The following EBF1 variants were observed in gnomAD, a reference collection of about 807,000 sequenced individuals.
EBF1 encodes the protein transcription factor COE1.
In EBF1, 10 loss-of-function variants were observed where a neutral mutation model predicts 68.4. The observed-to-expected ratio is 0.15, with a 90% CI of 0.09 to 0.25. EBF1 has a LOEUF of 0.25. Among genes scored for constraint, EBF1 ranks in the 10% least tolerant of loss-of-function variants. EBF1 has a pLI of 1.00. For synonymous variants in EBF1, 298 were observed against 299.8 expected, an observed-to-expected ratio of 0.99 and a Z score of 0.06; for missense variants, 509 against 794.4, an observed-to-expected ratio of 0.64 and a Z score of 4.32.
intron 6 of EBF1, among the ~76,000 whole-genome samples, chr5:158,951,464 C>A (rs1285562249): frequency 6.6e-6 from 1 of 152,188 alleles, no homozygotes; most frequent in African/African-American, 2.4e-5. Context: ...ATTTCCACAG[C>A]ACAGTAAAAT....
At chr5:159,085,764 T>C (rs933623197) in intron 4 of EBF1, among the ~76,000 whole-genome samples, 2 of 152,070 alleles carry the variant, frequency 1.3e-5, no homozygotes, top group African/African-American at 4.8e-5. Flanking sequence ...ATATAGTACA[T>C]ATATCTTAAT....
At chr5:158,729,253 T>C (rs560795592) in intron 11 of EBF1, among the ~76,000 whole-genome samples, 2 of 152,328 alleles carry the variant, frequency 1.3e-5, no homozygotes, top group South Asian at 4.1e-4. Context: ...GTTGCATAGC[T>C]AGCAAGTGGC....
chr5:158,857,955 T>C (rs1582632576), intron 6 of EBF1, among the ~76,000 whole-genome samples: 1 of 152,120 alleles, frequency 6.6e-6, no homozygotes, highest in South Asian at 2.1e-4. Context: ...TTAACACAAC[T>C]TTTTTTTCCA....
chr5:158,815,399 A>C (rs1388420070), intron 8 of EBF1, among the ~76,000 whole-genome samples: 2 of 152,150 alleles, frequency 1.3e-5, no homozygotes, highest in South Asian at 4.1e-4. Context: ...CTCATCTGTA[A>C]AATGGTGATA....
chr5:158,813,369 A>G (rs1213476617), intron 8 of EBF1, among the ~76,000 whole-genome samples: 2 of 152,186 alleles, frequency 1.3e-5, no homozygotes, highest in African/African-American at 4.8e-5. Flanking sequence ...CAAACTATCA[A>G]GCCGCTTGTA....
chr5:158,781,850 A>C (rs780758197), intron 9 of EBF1, among the ~76,000 whole-genome samples: 1 of 152,158 alleles, frequency 6.6e-6, no homozygotes. Context: ...TTTTTCCACC[A>C]TAATTATCTT....
chr5:158,749,354 T>C (rs571231802), intron 10 of EBF1, among the ~76,000 whole-genome samples: 117 of 152,292 alleles, frequency 7.7e-4, no homozygotes, highest in Admixed American at 1.1e-3. Flanking sequence ...ATGCCATCTC[T>C]TTAGATTTCC....
intron 6 of EBF1, among the ~76,000 whole-genome samples, chr5:158,873,707 G>T (rs1353543570): frequency 6.6e-6 from 1 of 152,144 alleles, no homozygotes; most frequent in Non-Finnish European, 1.5e-5. Flanking sequence ...CAAATGTGAG[G>T]GAGGTGTTAA....
chr5:158,885,344 G>C (rs1396670292), intron 6 of EBF1, among the ~76,000 whole-genome samples: 1 of 152,226 alleles, frequency 6.6e-6, no homozygotes, highest in Non-Finnish European at 1.5e-5. Flanking sequence ...AGTTGTCAGA[G>C]TGGAAAATAA....
intron 15 of EBF1, among the ~76,000 whole-genome samples, chr5:158,706,418 CTATT>C (rs1167149378): frequency 2.0e-5 from 3 of 152,168 alleles, no homozygotes; most frequent in South Asian, 4.1e-4. Flanking sequence ...TTTAGCTGTA[CTATT>C]TATTAGCCAT....
chr5:159,027,187 C>T (rs1030678194), intron 6 of EBF1, among the ~76,000 whole-genome samples: 3 of 152,172 alleles, frequency 2.0e-5, no homozygotes, highest in African/African-American at 7.2e-5. Flanking sequence ...CTGTACACTC[C>T]TCCCATTCCT....
intron 6 of EBF1, among the ~76,000 whole-genome samples, chr5:158,916,511 T>G (rs1249527407): frequency 6.6e-6 from 1 of 152,184 alleles, no homozygotes. Flanking sequence ...CTTTAAGTCA[T>G]GAAATACTTA....
At position 158,698,852 on chromosome 5, in the gene EBF1, T is replaced by G. The variant is rs1756176615; in HGVS notation, c.*259A>C. ...AAAAAAAGAAAAAGAAAAAGTGGAT[T>G]TGCTTTTGTCAATACAGAATAAATA... On this transcript the variant is annotated 3_prime_UTR_variant, in exon 16 of 16. Coordinates refer to ENST00000313708, the MANE Select transcript of EBF1 (RefSeq NM_024007.5). 2 of 368,368 alleles carry G rather than the reference T, an allele frequency of 5.4e-6. No homozygotes were observed. Among genetic ancestry groups the G allele is most frequent in the Non-Finnish European group, 9.7e-6 (2 of 206,890 alleles). 22.8% of individuals were successfully genotyped at this position (368,368 alleles called of 1,614,324 possible). A position where few individuals can be genotyped will look rare whatever the true frequency, so the allele number is the denominator to read the frequency against.
chr5:158,940,947 A>G (rs1813216344), intron 6 of EBF1, among the ~76,000 whole-genome samples: 1 of 152,200 alleles, frequency 6.6e-6, no homozygotes, highest in South Asian at 2.1e-4. Flanking sequence ...TGGGTAGGAG[A>G]CAGCTCCTGA....
chr5:159,041,361 A>G (rs1453146970), intron 6 of EBF1, among the ~76,000 whole-genome samples: 1 of 152,234 alleles, frequency 6.6e-6, no homozygotes, highest in Non-Finnish European at 1.5e-5. Flanking sequence ...GAAATCTTTT[A>G]GATCACTGCT....
intron 6 of EBF1, among the ~76,000 whole-genome samples, chr5:159,045,459 G>A (rs532273085): frequency 4.1e-4 from 62 of 150,780 alleles, no homozygotes; most frequent in African/African-American, 1.1e-3. Context: ...AATCCTTGTC[G>A]TATTGGAAGT....
At chr5:158,740,649 A>G (rs768936143) in intron 10 of EBF1, among the ~76,000 whole-genome samples, 1 of 152,190 alleles carries the variant, frequency 6.6e-6, no homozygotes, top group Non-Finnish European at 1.5e-5. Context: ...AGCGAGCTAC[A>G]ATGGCCTTGC....
intron 6 of EBF1, among the ~76,000 whole-genome samples, chr5:159,002,621 A>T (rs1431455088): frequency 6.6e-6 from 1 of 152,214 alleles, no homozygotes; most frequent in Non-Finnish European, 1.5e-5. Flanking sequence ...CATACCCTTT[A>T]ATGGAAGAAA....
intron 11 of EBF1, among the ~76,000 whole-genome samples, chr5:158,724,944 C>A (rs183359072): frequency 5.6e-4 from 85 of 152,268 alleles, no homozygotes; most frequent in Non-Finnish European, 1.6e-4. Flanking sequence ...ATAGATAGAG[C>A]GACAGAGATG....
Sources: gnomAD v4.1 joint callset for allele counts (sites outside exome capture counted in the v4.1 genomes callset) on GRCh38, gnomAD v4.1.1 for gene constraint, MANE v1.5 for transcripts, NCBI Gene and HGNC (gene_info 2026-07-23, HGNC 2026-07-21) for gene names.